Variants in PLEKHH1 observed in about 807,000 individuals in gnomAD.
The protein encoded by PLEKHH1 is pleckstrin homology, MyTH4 and FERM domain containing H1.
PLEKHH1 carries 104 observed loss-of-function variants against 160.0 expected under a neutral mutation model. The ratio of observed to expected loss-of-function variants is 0.65; its 90% CI spans 0.55 to 0.76. PLEKHH1 has a LOEUF of 0.76. Ranked by LOEUF, PLEKHH1 falls within the 30% of genes least tolerant of loss-of-function variation. The pLI, the probability that PLEKHH1 is intolerant of heterozygous loss-of-function variation, is 0.00. For synonymous variants in PLEKHH1, 619 were observed against 678.4 expected, an observed-to-expected ratio of 0.91 and a Z score of 1.36; for missense variants, 1,427 against 1,724.1, an observed-to-expected ratio of 0.83 and a Z score of 3.05.
chr14:67,585,338 T>C (rs1182189108), intron 26 of PLEKHH1: 3 of 513,808 alleles, frequency 5.8e-6, no homozygotes, highest in African/African-American at 2.0e-5. Context: ...GCCTCTGCCT[T>C]TGAGATGGTT....
intron 1 of PLEKHH1, among the ~76,000 whole-genome samples, chr14:67,540,158 A>C (rs1191065927): frequency 6.6e-6 from 1 of 152,224 alleles, no homozygotes; most frequent in Non-Finnish European, 1.5e-5. Context: ...GAGAGATCAT[A>C]TAAAGAACTC....
Position 67,562,195 on chromosome 14 carries a change from G to A in PLEKHH1, c.564G>A (p.Gln188=). The change falls in exon 7 of 29, where the codon CAG becomes CAA. Residue 188 remains glutamine (Q), a synonymous_variant. Transcript: ENST00000329153. The part of the protein sequence containing the change: ...LLVPPYGAAE[Q]DSVPSEPGIQ... ...TGCCCCCCTACGGAGCTGCAGAGCA[G>A]GATTCTGTCCCTTCAGAGCCGGGAA... 2 of 1,611,746 alleles carry A rather than the reference G, an allele frequency of 1.2e-6. No homozygotes were observed. Among genetic ancestry groups the A allele is most frequent in the Non-Finnish European group, 1.7e-6 (2 of 1,178,910 alleles).
intron 1 of PLEKHH1, among the ~76,000 whole-genome samples, chr14:67,535,835 G>A (rs2140304705): frequency 6.6e-6 from 1 of 152,320 alleles, no homozygotes; most frequent in South Asian, 2.1e-4. Context: ...AGCCCTGCAT[G>A]ATGTGATATA....
intron 8 of PLEKHH1, 100 bp from the exon 9 acceptor site, chr14:67,569,821 T>C: frequency 1.3e-6 from 1 of 760,220 alleles, no homozygotes; most frequent in Non-Finnish European, 2.3e-6. Flanking sequence ...GTCACTGGCC[T>C]GCTCCTGGAG....
chr14:67,566,657 A>G (rs2035105947), intron 7 of PLEKHH1, among the ~76,000 whole-genome samples: 1 of 151,850 alleles, frequency 6.6e-6, no homozygotes, highest in Non-Finnish European at 1.5e-5. Context: ...CTTAAGTGGA[A>G]GTTAAGTTTG....
chr14:67,552,362 A>C (rs1170602835), intron 2 of PLEKHH1, among the ~76,000 whole-genome samples: 1 of 152,212 alleles, frequency 6.6e-6, no homozygotes, highest in Non-Finnish European at 1.5e-5. Flanking sequence ...CCTCGTGAAA[A>C]GTGTTGATGC....
rs1327335182 is a variant in PLEKHH1 at position 67,578,255 on chromosome 14, TG to T, written c.2751+59del. The T allele has an allele frequency of 2.7e-6, 4 of 1,487,850 alleles. No homozygotes were observed. The highest frequency in any genetic ancestry group is 1.4e-5 in the African/African-American group (1 of 72,648). The allele number at this position is 1,487,850 out of a possible 1,614,324, so 92.2% of individuals were successfully genotyped here. On this transcript the variant is annotated intron_variant, in intron 19 of 28. Coordinates refer to ENST00000329153, the MANE Select transcript of PLEKHH1 (RefSeq NM_020715.3). This position sits in a 1 kb window ranked among gnomAD's most constrained non-coding sequence, Gnocchi z 5.0. ...GAAGCCATTGGCAAGGGCTGCCAGG[TG>T]GGAAAGGTGGGAGGAGGTGACTGGG...
rs779433042 is a variant in PLEKHH1, at chr14:67,582,106, C to G, written c.3322C>G (p.Arg1108Gly). 1.2e-6 allele frequency: 2 copies of G among 1,613,038 alleles called. No homozygotes were observed. Among genetic ancestry groups the G allele is most frequent in the East Asian group, 4.5e-5 (2 of 44,878 alleles). The change falls in exon 24 of 29, where the codon CGA becomes GGA. Residue 1108 changes from arginine (R) to glycine (G), a missense_variant. Transcript: ENST00000329153. The surrounding 1 kb of genome is among the most constrained non-coding windows in gnomAD (Gnocchi z 5.0). The part of the protein sequence containing the change: ...FRSQVKGETD[R>G]ERLLLASQTS... ...CAGTCAAGTCAAAGGGGAGACGGACCGAGAACGGCTGCTCCTTGCCTCTCA... is the reference window on the plus strand; with the variant it reads ...CAGTCAAGTCAAAGGGGAGACGGACGGAGAACGGCTGCTCCTTGCCTCTCA...
intron 2 of PLEKHH1, among the ~76,000 whole-genome samples, chr14:67,553,961 G>T (rs1177384100): frequency 6.6e-6 from 1 of 152,200 alleles, no homozygotes; most frequent in African/African-American, 2.4e-5. Context: ...GTGAATGCCT[G>T]TCAGAGGGGG....
Position 67,573,947 on chromosome 14 carries a change from C to A in PLEKHH1, c.1926+60C>A. 1 of 1,246,500 alleles carries A rather than the reference C, an allele frequency of 8.0e-7. No homozygotes were observed. Among genetic ancestry groups the A allele is most frequent in the Non-Finnish European group, 1.2e-6 (1 of 845,604 alleles). The allele number at this position is 1,246,500 out of a possible 1,614,324, so 77.2% of individuals were successfully genotyped here. The stretch of plus-strand genomic sequence containing the variant: ...GAAGAGGTGCTGGGTTTGGATATGG[C>A]CGTGAGTGAGACAAAGATGGGGCCA... On this transcript the variant is annotated intron_variant, in intron 13 of 28. Coordinates refer to ENST00000329153, the MANE Select transcript of PLEKHH1 (RefSeq NM_020715.3). This position sits in a 1 kb window ranked among gnomAD's most constrained non-coding sequence, Gnocchi z 4.8.
intron 7 of PLEKHH1, among the ~76,000 whole-genome samples, chr14:67,563,679 C>T (rs1275689976): frequency 2.0e-5 from 3 of 151,664 alleles, no homozygotes; most frequent in African/African-American, 7.3e-5. Context: ...GTGATCCACC[C>T]TCTTGGGCCT....
Position 67,589,508 on chromosome 14 carries a change from A to G in PLEKHH1, c.*2273A>G, listed in dbSNP as rs922843169. 5 of 985,294 alleles carry G rather than the reference A, an allele frequency of 5.1e-6. No individual in the cohort carries two copies. The highest frequency in any genetic ancestry group is 6.0e-6 in the Non-Finnish European group (5 of 829,810). 61.0% of individuals were successfully genotyped at this position (985,294 alleles called of 1,614,324 possible). On this transcript the variant is annotated 3_prime_UTR_variant, in exon 29 of 29. Coordinates refer to ENST00000329153, the MANE Select transcript of PLEKHH1 (RefSeq NM_020715.3). ...TGAAATACTATGATCTTGTTTGTCAATAAAAAGCAGCTATCTGTGAACCAG... is the reference window on the plus strand; with the variant it reads ...TGAAATACTATGATCTTGTTTGTCAGTAAAAAGCAGCTATCTGTGAACCAG...
chr14:67,552,494 G>T (rs1332664924), intron 2 of PLEKHH1, among the ~76,000 whole-genome samples: 1 of 152,236 alleles, frequency 6.6e-6, no homozygotes, highest in African/African-American at 2.4e-5. Context: ...CTGGCTGGGT[G>T]CGGTGGCTCA....
Position 67,572,106 on chromosome 14 carries a change from C to T in PLEKHH1, c.1586-29C>T, listed in dbSNP as rs754112133. On this transcript the variant is annotated intron_variant, in intron 10 of 28. Transcript: ENST00000329153. Reference sequence around the variant, plus strand: ...GCGTGAGTCGGGGAGGTGTGGGACCCGGGCCTTGACTCCTCCTCCCTCGGC... The same window carrying T: ...GCGTGAGTCGGGGAGGTGTGGGACCTGGGCCTTGACTCCTCCTCCCTCGGC... The T allele has an allele frequency of 5.1e-5, 82 of 1,592,968 alleles. 1 individual carries two copies. Among genetic ancestry groups the T allele is most frequent in the East Asian group, 4.6e-4 (20 of 43,940 alleles).
At position 67,562,814 on chromosome 14, in the gene PLEKHH1, A is replaced by T; in HGVS notation, c.1183A>T (p.Lys395Ter). The T allele has an allele frequency of 1.2e-6, 2 of 1,613,846 alleles. No individual in the cohort carries two copies. Among genetic ancestry groups the T allele is most frequent in the Non-Finnish European group, 1.7e-6 (2 of 1,179,840 alleles). Reference protein sequence around the residue: ...AGKNEERESPKALGAELEEVE... With the variant: ...AGKNEERESP The stretch of plus-strand genomic sequence containing the variant: ...GAAGAATGAGGAAAGAGAGAGCCCA[A>T]AGGCCCTTGGAGCTGAGCTGGAGGA... Residue 395 changes from lysine (K) to a stop codon, truncating the protein, a stop_gained, in exon 7 of 29, where the codon AAG becomes TAG. Transcript: ENST00000329153. LOFTEE classifies it high-confidence loss of function.
At chr14:67,549,093 A>G (rs1167923887) in intron 2 of PLEKHH1, among the ~76,000 whole-genome samples, 1 of 152,158 alleles carries the variant, frequency 6.6e-6, no homozygotes, top group Non-Finnish European at 1.5e-5. Context: ...GCCAGGTACC[A>G]TAAAAGGAGA....
chr14:67,555,682 C>A, intron 2 of PLEKHH1, 143 bp from the exon 3 acceptor site: 1 of 1,208,624 alleles, frequency 8.3e-7, no homozygotes, highest in Non-Finnish European at 1.2e-6. Flanking sequence ...AAATCCTTAC[C>A]CTGACACTCT....
At chr14:67,560,928 G>A (rs2034809695) in intron 5 of PLEKHH1, among the ~76,000 whole-genome samples, 1 of 151,918 alleles carries the variant, frequency 6.6e-6, no homozygotes, top group Admixed American at 6.6e-5. Context: ...ACGGGGTTTC[G>A]TTATGTTGGC....
chr14:67,564,123 G>A (rs1184448695), intron 7 of PLEKHH1, among the ~76,000 whole-genome samples: 7 of 151,060 alleles, frequency 4.6e-5, no homozygotes, highest in African/African-American at 1.5e-4. Flanking sequence ...GGATGGTCTC[G>A]ATCTCCTGAC....
Sources: gnomAD v4.1 joint callset for allele counts (sites outside exome capture counted in the v4.1 genomes callset) on GRCh38, gnomAD v4.1.1 for gene constraint, Gnocchi (gnomAD v3.1) non-coding constraint, MANE v1.5 for transcripts, NCBI Gene and HGNC (gene_info 2026-07-23, HGNC 2026-07-21) for gene names.